Variants in CMBL observed in about 807,000 individuals in gnomAD.
The protein encoded by CMBL is carboxymethylenebutenolidase homolog.
In CMBL, 17 loss-of-function variants were observed where a neutral mutation model predicts 28.7. That is an observed-to-expected ratio of 0.59 (90% CI 0.41 to 0.89). CMBL has a LOEUF of 0.89. Among genes scored for constraint, CMBL ranks in the 40% least tolerant of loss-of-function variants. CMBL has a pLI of 0.00. For synonymous variants in CMBL, 106 were observed against 101.6 expected, an observed-to-expected ratio of 1.04 and a Z score of -0.26; for missense variants, 310 against 298.5, an observed-to-expected ratio of 1.04 and a Z score of -0.28.
At chr5:10,290,924 T>C (rs1746702219) in intron 1 of CMBL, 143 bp from the exon 2 acceptor site, 2 of 646,538 alleles carry the variant, frequency 3.1e-6, no homozygotes, top group South Asian at 3.9e-5. Context: ...AATGGTAACT[T>C]CTGGTTCTGG....
intron 2 of CMBL, 126 bp downstream of exon 2, chr5:10,290,422 G>A (rs10038132): frequency 0.093 from 67,798 of 732,818 alleles, 5,271 homozygotes; most frequent in African/African-American, 0.35. Flanking sequence ...CAGTGAGATA[G>A]GGAAGTTTCT....
In CMBL at chr5:10,278,167, G is replaced by A. The variant is rs1231872058; in HGVS notation, c.*2286C>T. ...GACAGATGCAAAAACTGAGGCTCAG[G>A]AAGCTCAAGTTTGGGAATTCTTTGA... On this transcript the variant is annotated 3_prime_UTR_variant, in exon 6 of 6. Transcript: ENST00000296658. Among the ~76,000 whole-genome samples the A allele has an allele frequency of 6.6e-6, 1 of 152,198 alleles. No individual in the cohort carries two copies. Among genetic ancestry groups the A allele is most frequent in the East Asian group, 1.9e-4 (1 of 5,190 alleles).
At chr5:10,292,780 C>T (rs1482305963) in intron 1 of CMBL, among the ~76,000 whole-genome samples, 2 of 148,146 alleles carry the variant, frequency 1.4e-5, no homozygotes, top group South Asian at 2.1e-4. Flanking sequence ...GCCGAGATTG[C>T]GCCATTGCAC....
rs529757867 is a variant in CMBL, at chr5:10,280,361, T to C, written c.*92A>G. 1.5e-5 allele frequency: 15 copies of C among 985,580 alleles called. No homozygotes were observed. In the African/African-American group the frequency reaches 2.4e-4, roughly 16 times the overall value. 61.1% of individuals were successfully genotyped at this position (985,580 alleles called of 1,614,324 possible). A position where few individuals can be genotyped will look rare whatever the true frequency, so the allele number is the denominator to read the frequency against. On this transcript the variant is annotated 3_prime_UTR_variant, in exon 6 of 6. Transcript: ENST00000296658. ...AATTTTAGGATTCCTACACTTATTT[T>C]ATAAAAGTGAAAATTAAATCAAATG...
At position 10,277,730 on chromosome 5, in the gene CMBL, AAAG is replaced by A. The variant is rs914759543; in HGVS notation, c.*2720_*2722del. On this transcript the variant is annotated 3_prime_UTR_variant, in exon 6 of 6. Coordinates refer to ENST00000296658, the MANE Select transcript of CMBL (RefSeq NM_138809.4). The stretch of plus-strand genomic sequence containing the variant: ...TAGTCACTGAAGAACATATCTTTTT[AAAG>A]AAGTACGTGTGTGACTTACATTATA... Among the ~76,000 whole-genome samples, 4 of 152,204 alleles carry A rather than the reference AAAG, an allele frequency of 2.6e-5. No individual in the cohort carries two copies. The highest frequency in any genetic ancestry group is 7.2e-5 in the African/African-American group (3 of 41,450).
Position 10,289,883 on chromosome 5 carries a change from C to T in CMBL, c.215+665G>A, listed in dbSNP as rs953422709. ...TCTGTGAAAACAAAGGAAATCCAGC[C>T]GTGCACCATCCTCAGGGCTCACTGG... On this transcript the variant is annotated intron_variant, in intron 2 of 5. Coordinates refer to ENST00000296658, the MANE Select transcript of CMBL (RefSeq NM_138809.4). The surrounding 1 kb of genome is among the most constrained non-coding windows in gnomAD (Gnocchi z 4.3). Among the ~76,000 whole-genome samples the T allele has an allele frequency of 3.3e-5, 5 of 152,174 alleles. No homozygotes were observed. The highest frequency in any genetic ancestry group is 2.0e-4 in the Admixed American group (3 of 15,276).
rs754803877 is a variant in CMBL, at chr5:10,286,359, A to G, written c.461T>C (p.Val154Ala). The G allele has an allele frequency of 3.8e-5, 61 of 1,613,650 alleles. No individual in the cohort carries two copies. Among genetic ancestry groups the G allele is most frequent in the Non-Finnish European group, 5.0e-5 (59 of 1,179,860 alleles). ...AATGCACAAGGCAGATTTACCATAG[A>G]CGGACACCCCTGCCCTGAATTCTGA... is the stretch of plus-strand genomic sequence containing the variant. The part of the protein sequence containing the change: ...KYSEFRAGVS[V>A]YGIVKDSEDI... The change falls in exon 4 of 6, where the codon GTC (valine) becomes GCC (alanine). Residue 154 changes from valine (V) to alanine (A), a missense_variant. Transcript: ENST00000296658.
chr5:10,297,002 T>G lies in CMBL; in HGVS notation c.-19-6221A>C, dbSNP rs551582201. Reference sequence around the variant, plus strand: ...GAGTTCAAAACCAGCCTGGCCAACATGGTAAAAACCCGTCTCTACTAAAAA... The same window carrying G: ...GAGTTCAAAACCAGCCTGGCCAACAGGGTAAAAACCCGTCTCTACTAAAAA... On this transcript the variant is annotated intron_variant, in intron 1 of 5. Transcript: ENST00000296658. Among the ~76,000 whole-genome samples the G allele has an allele frequency of 3.9e-5, 6 of 152,054 alleles. No individual in the cohort carries two copies. The South Asian group carries it at 1.2e-3, about 31-fold the overall frequency.
At chr5:10,281,347 A>G (rs886966314) in intron 5 of CMBL, among the ~76,000 whole-genome samples, 1 of 152,092 alleles carries the variant, frequency 6.6e-6, no homozygotes, top group Non-Finnish European at 1.5e-5. Context: ...GCTCCCAAAT[A>G]GCTGGGACTA....
At chr5:10,285,694 C>CTTTTTTTT (rs1252497762) in intron 4 of CMBL, among the ~76,000 whole-genome samples, 15 of 87,380 alleles carry the variant, frequency 1.7e-4, no homozygotes, top group African/African-American at 4.4e-4. Flanking sequence ...CTTTCTCTTT[C>CTTTTTTTT]TTTTTCTTTT....
chr5:10,282,711 A>T (rs1746517826), intron 4 of CMBL, among the ~76,000 whole-genome samples: 1 of 151,960 alleles, frequency 6.6e-6, no homozygotes, highest in South Asian at 2.1e-4. Context: ...TTGAGCCTGG[A>T]AAGTTGAGGC....
intron 5 of CMBL, among the ~76,000 whole-genome samples, chr5:10,281,702 T>C (rs1167596407): frequency 6.6e-6 from 1 of 152,204 alleles, no homozygotes; most frequent in Non-Finnish European, 1.5e-5. Flanking sequence ...CCCTCAGACA[T>C]TTCCTTAAGC....
In CMBL at chr5:10,278,470, C is replaced by G. The variant is rs547507947; in HGVS notation, c.*1983G>C. 6.6e-6 allele frequency among the ~76,000 whole-genome samples: 1 copy of G among 152,208 alleles called. No individual in the cohort carries two copies. The highest frequency in any genetic ancestry group is 1.9e-4 in the East Asian group (1 of 5,142). On this transcript the variant is annotated 3_prime_UTR_variant, in exon 6 of 6. Transcript: ENST00000296658. ...TCAGTCACAGCGTGAGTCCCCGGGG[C>G]TCATGCCTGCTTGCTCTAAACCCCC...
Position 10,282,203 on chromosome 5 carries a change from G to A in CMBL, c.552C>T (p.Leu184=). 1.2e-6 allele frequency: 2 copies of A among 1,602,900 alleles called. No individual in the cohort carries two copies. The highest frequency in any genetic ancestry group is 1.7e-6 in the Non-Finnish European group (2 of 1,169,866). Residue 184 remains leucine (L), a synonymous_variant, in exon 5 of 6, where the codon CTC becomes CTT. Coordinates refer to ENST00000296658, the MANE Select transcript of CMBL (RefSeq NM_138809.4). ...AGAAAAGATGCCAACTTACGTCCTT[G>A]AGTGGAATCACAACATCATTTTCAG... ...IFAENDVVIP[L]KDVSLLTQKL...
At chr5:10,297,189 A>C (rs1746824284) in intron 1 of CMBL, among the ~76,000 whole-genome samples, 1 of 151,188 alleles carries the variant, frequency 6.6e-6, no homozygotes, top group Admixed American at 6.7e-5. Flanking sequence ...CATCTCAAAA[A>C]AAAAAAAGAG....
chr5:10,293,792 A>G (rs1375675512), intron 1 of CMBL, among the ~76,000 whole-genome samples: 1 of 152,260 alleles, frequency 6.6e-6, no homozygotes, highest in Non-Finnish European at 1.5e-5. Context: ...TTCTGGGGAA[A>G]CAGCAGAGCA....
intron 2 of CMBL, among the ~76,000 whole-genome samples, chr5:10,288,955 G>A (rs1746655583): frequency 6.6e-6 from 1 of 152,210 alleles, no homozygotes; most frequent in African/African-American, 2.4e-5. Flanking sequence ...AACTTGTCCA[G>A]TCACTATGAC....
chr5:10,292,233 A>T (rs1416404706), intron 1 of CMBL: 1 of 152,006 alleles, frequency 6.6e-6, no homozygotes, highest in Non-Finnish European at 1.5e-5. Flanking sequence ...GTTTTTTGAG[A>T]CAGGATCTTG....
Position 10,291,401 on chromosome 5 carries a change from G to A in CMBL, c.-19-620C>T, listed in dbSNP as rs1363586344. ...TCCTCGGCCGGGCGCGGTGGCTCAC[G>A]CCTGTAATCCCAGCACTTTGGGAGG... On this transcript the variant is annotated intron_variant, in intron 1 of 5. Transcript: ENST00000296658. 8.6e-5 allele frequency among the ~76,000 whole-genome samples: 13 copies of A among 151,772 alleles called. 1 individual carries two copies. Among genetic ancestry groups the A allele is most frequent in the Non-Finnish European group, 1.6e-4 (11 of 67,868 alleles).
Sources: gnomAD v4.1 joint callset for allele counts (sites outside exome capture counted in the v4.1 genomes callset) on GRCh38, gnomAD v4.1.1 for gene constraint, Gnocchi (gnomAD v3.1) non-coding constraint, MANE v1.5 for transcripts, NCBI Gene and HGNC (gene_info 2026-07-23, HGNC 2026-07-21) for gene names.